The following SGCZ variants were observed in gnomAD, a reference collection of about 807,000 sequenced individuals.
SGCZ encodes the protein zeta-sarcoglycan.
SGCZ carries 40 observed loss-of-function variants against 41.3 expected under a neutral mutation model. The ratio of observed to expected loss-of-function variants is 0.97; its 90% CI spans 0.75 to 1.26. The LOEUF is 1.26. Ranked by LOEUF, SGCZ falls within the 50% of genes most tolerant of loss-of-function variation. SGCZ has a pLI of 0.00. For synonymous variants in SGCZ, 206 were observed against 137.5 expected (o/e 1.50, Z -3.49); for missense variants, 552 against 369.8 (o/e 1.49, Z -4.04).
chr8:14,336,211 C>G (rs1307727874), intron 2 of SGCZ, among the ~76,000 whole-genome samples: 3 of 152,102 alleles, frequency 2.0e-5, no homozygotes, highest in Non-Finnish European at 4.4e-5. Flanking sequence ...ATAATGGCCT[C>G]TAGTTCCATC....
intron 2 of SGCZ, among the ~76,000 whole-genome samples, chr8:14,530,069 C>G (rs1803079337): frequency 6.6e-6 from 1 of 152,040 alleles, no homozygotes; most frequent in Non-Finnish European, 1.5e-5. Flanking sequence ...AATCCTTAAT[C>G]TGAAAGACGC....
At chr8:14,722,714 G>A (rs1288448229) in intron 1 of SGCZ, among the ~76,000 whole-genome samples, 2 of 152,010 alleles carry the variant, frequency 1.3e-5, no homozygotes, top group African/African-American at 4.8e-5. Flanking sequence ...AATATCAGAA[G>A]GAAATGATGA....
chr8:14,720,044 A>G (rs919049268), intron 1 of SGCZ, among the ~76,000 whole-genome samples: 3 of 152,012 alleles, frequency 2.0e-5, no homozygotes, highest in Admixed American at 2.0e-4. Flanking sequence ...AGGTGTAAGG[A>G]AGGGATCCAG....
intron 4 of SGCZ, among the ~76,000 whole-genome samples, chr8:14,227,363 AT>A (rs1251188128): frequency 2.0e-5 from 3 of 152,148 alleles, no homozygotes; most frequent in Non-Finnish European, 4.4e-5. Context: ...AAGGAAAGAC[AT>A]TAAACAATAG....
intron 1 of SGCZ, among the ~76,000 whole-genome samples, chr8:14,582,953 G>T (rs181014138): frequency 1.2e-3 from 184 of 152,022 alleles, no homozygotes; most frequent in Middle Eastern, 6.8e-3. Context: ...ATGGTGAATA[G>T]TGCCGCAATA....
chr8:14,550,480 T>G (rs1031005294), intron 2 of SGCZ, among the ~76,000 whole-genome samples: 5 of 151,952 alleles, frequency 3.3e-5, no homozygotes, highest in Non-Finnish European at 4.4e-5. Context: ...GCTTTTTCTT[T>G]TGTAGGATGA....
chr8:14,878,742 T>C (rs1263353974), intron 1 of SGCZ, among the ~76,000 whole-genome samples: 1 of 152,094 alleles, frequency 6.6e-6, no homozygotes, highest in African/African-American at 2.4e-5. Flanking sequence ...AAATAAAGAA[T>C]GGCAGAGGCA....
intron 1 of SGCZ, among the ~76,000 whole-genome samples, chr8:14,616,394 T>C (rs1173895486): frequency 6.6e-6 from 1 of 152,172 alleles, no homozygotes; most frequent in African/African-American, 2.4e-5. Context: ...CTACTTTGGT[T>C]CTCTAAAGCT....
chr8:14,620,273 T>C (rs1379789548), intron 1 of SGCZ, among the ~76,000 whole-genome samples: 2 of 152,108 alleles, frequency 1.3e-5, no homozygotes, highest in African/African-American at 2.4e-5. Flanking sequence ...CCTTACACCT[T>C]ATACAAAAAT....
chr8:14,771,937 G>C (rs1014442055), intron 1 of SGCZ, among the ~76,000 whole-genome samples: 1 of 151,964 alleles, frequency 6.6e-6, no homozygotes, highest in Non-Finnish European at 1.5e-5. Context: ...TCTTATATAT[G>C]ATATCTATTT....
intron 2 of SGCZ, among the ~76,000 whole-genome samples, chr8:14,553,842 C>T (rs1305925011): frequency 6.6e-6 from 1 of 152,084 alleles, no homozygotes; most frequent in East Asian, 1.9e-4. Flanking sequence ...CAGCTTTAGA[C>T]TCACTCCTGA....
intron 2 of SGCZ, among the ~76,000 whole-genome samples, chr8:14,436,019 T>C (rs887313054): frequency 3.9e-5 from 6 of 152,212 alleles, no homozygotes; most frequent in Non-Finnish European, 8.8e-5. Context: ...GTAGGATTAC[T>C]AAGCAGGTAT....
chr8:14,797,791 G>T (rs1429375300), intron 1 of SGCZ, among the ~76,000 whole-genome samples: 1 of 152,194 alleles, frequency 6.6e-6, no homozygotes, highest in African/African-American at 2.4e-5. Context: ...TGCAGCCTAG[G>T]GATTTGGTGC....
chr8:14,386,562 G>A (rs962251631), intron 2 of SGCZ, among the ~76,000 whole-genome samples: 1 of 151,928 alleles, frequency 6.6e-6, no homozygotes, highest in African/African-American at 2.4e-5. Context: ...AATGTTTCAG[G>A]CACTGTAAAG....
chr8:14,674,312 T>C lies in SGCZ; in HGVS notation c.40-119386A>G, dbSNP rs1270445925. The stretch of plus-strand genomic sequence containing the variant: ...TTGTTTAAGGAAACTATTTCTTTTC[T>C]TTTAGTTAAAAGATAAGAGTAAAAA... On this transcript the variant is annotated intron_variant, in intron 1 of 7. Transcript: ENST00000382080. Among the ~76,000 whole-genome samples, 3 of 152,168 alleles carry C rather than the reference T, an allele frequency of 2.0e-5. No individual in the cohort carries two copies. In the East Asian group the frequency reaches 5.8e-4, roughly 29 times the overall value.
intron 2 of SGCZ, among the ~76,000 whole-genome samples, chr8:14,415,093 G>A (rs548383182): frequency 6.6e-6 from 1 of 151,780 alleles, no homozygotes; most frequent in Non-Finnish European, 1.5e-5. Flanking sequence ...ACAATCCCCT[G>A]AAGTAAAACT....
At chr8:15,202,190 T>C (rs11782036) in intron 1 of SGCZ, among the ~76,000 whole-genome samples, 68,441 of 152,082 alleles carry the variant, frequency 0.45, 16,226 homozygotes, top group Non-Finnish European at 0.52. Flanking sequence ...CTTTTGTCAT[T>C]GCTAACCATT....
At chr8:14,739,510 C>T (rs1393609564) in intron 1 of SGCZ, among the ~76,000 whole-genome samples, 1 of 152,014 alleles carries the variant, frequency 6.6e-6, no homozygotes, top group Non-Finnish European at 1.5e-5. Context: ...TTCTGTCTCT[C>T]TTTTTTGTTG....
In SGCZ at chr8:14,547,635, T is replaced by C. The variant is rs148497152; in HGVS notation, c.234+7097A>G. Reference sequence around the variant, plus strand: ...TAAGGTCTGTTTTAAAGAGCTTTTGTAAGTGTTCACTCACTTAATGCTTCG... The same window carrying C: ...TAAGGTCTGTTTTAAAGAGCTTTTGCAAGTGTTCACTCACTTAATGCTTCG... On this transcript the variant is annotated intron_variant, in intron 2 of 7. Transcript: ENST00000382080. Among the ~76,000 whole-genome samples the C allele has an allele frequency of 7.2e-3, 1,089 of 152,282 alleles. 15 individuals are homozygous for C. Among genetic ancestry groups the C allele is most frequent in the African/African-American group, 0.025 (1,022 of 41,570 alleles).
Sources: gnomAD v4.1 joint callset for allele counts (sites outside exome capture counted in the v4.1 genomes callset) on GRCh38, gnomAD v4.1.1 for gene constraint, MANE v1.5 for transcripts, NCBI Gene and HGNC (gene_info 2026-07-23, HGNC 2026-07-21) for gene names.